The following THSD7B variants were observed in gnomAD, a reference collection of about 807,000 sequenced individuals.
THSD7B encodes the protein thrombospondin type 1 domain containing 7B.
A neutral mutation model predicts 213.6 loss-of-function variants in THSD7B; 138 were observed. The observed-to-expected ratio is 0.65, with a 90% confidence interval of 0.56 to 0.74. The LOEUF is 0.74. Ranked by LOEUF, THSD7B falls within the 30% of genes least tolerant of loss-of-function variation. The pLI is 0.00. For synonymous variants in THSD7B, 742 were observed against 687.0 expected, an observed-to-expected ratio of 1.08 and a Z score of -1.25; for missense variants, 1,931 against 1,991.5, an observed-to-expected ratio of 0.97 and a Z score of 0.58.
intron 1 of THSD7B, among the ~76,000 whole-genome samples, chr2:136,868,285 CA>C (rs1321711394): frequency 1.3e-5 from 2 of 152,110 alleles, no homozygotes; most frequent in Admixed American, 1.3e-4. Flanking sequence ...TGTTTTCTTT[CA>C]AATAACACTC....
chr2:137,269,853 G>T (rs1265643243), intron 10 of THSD7B, among the ~76,000 whole-genome samples: 2 of 152,102 alleles, frequency 1.3e-5, no homozygotes, highest in Non-Finnish European at 2.9e-5. Flanking sequence ...CCAATTACAG[G>T]ATTTACTCTT....
At chr2:137,603,643 G>A (rs1682116713) in intron 17 of THSD7B, among the ~76,000 whole-genome samples, 1 of 152,180 alleles carries the variant, frequency 6.6e-6, no homozygotes, top group South Asian at 2.1e-4. Context: ...GCAAGAAGGA[G>A]ATATCTGGAT....
intron 1 of THSD7B, among the ~76,000 whole-genome samples, chr2:136,829,088 T>TA (rs1229398426): frequency 1.3e-5 from 2 of 152,138 alleles, no homozygotes; most frequent in African/African-American, 4.8e-5. Context: ...TTCTCTTTCT[T>TA]ACTGTATTTT....
intron 4 of THSD7B, among the ~76,000 whole-genome samples, chr2:137,103,930 A>G (rs1688197453): frequency 6.6e-6 from 1 of 152,206 alleles, no homozygotes; most frequent in Non-Finnish European, 1.5e-5. Context: ...CCCACACAAT[A>G]ATAGTGGGAG....
chr2:136,874,223 G>C (rs1683489718), intron 1 of THSD7B, among the ~76,000 whole-genome samples: 1 of 152,164 alleles, frequency 6.6e-6, no homozygotes, highest in African/African-American at 2.4e-5. Flanking sequence ...CTATCTTTGG[G>C]ACTTCAGGTT....
chr2:137,007,713 G>T (rs762339392), intron 2 of THSD7B, among the ~76,000 whole-genome samples: 1 of 151,276 alleles, frequency 6.6e-6, no homozygotes, highest in Non-Finnish European at 1.5e-5. Flanking sequence ...AGAGATTAAG[G>T]CATACACAGA....
intron 5 of THSD7B, among the ~76,000 whole-genome samples, chr2:137,122,321 G>C (rs7595885): frequency 6.6e-6 from 1 of 152,096 alleles, no homozygotes; most frequent in African/African-American, 2.4e-5. Flanking sequence ...AGAGAAAATA[G>C]GAATTTTAGG....
chr2:137,180,149 CA>C (rs1464487243), intron 7 of THSD7B, among the ~76,000 whole-genome samples: 2 of 152,076 alleles, frequency 1.3e-5, no homozygotes, highest in Non-Finnish European at 2.9e-5. Flanking sequence ...CTTATTATAA[CA>C]GGATATGTAG....
chr2:137,600,094 T>C lies in THSD7B; in HGVS notation c.3424-16081T>C, dbSNP rs189606404. On this transcript the variant is annotated intron_variant, in intron 17 of 27. Coordinates refer to ENST00000409968, the MANE Select transcript of THSD7B (RefSeq NM_001316349.2). The stretch of plus-strand genomic sequence containing the variant: ...TCTGCTTCCCCTCCCCAGGGGCACC[T>C]GCACACATGCATGCACACACGCACA... 9.1e-4 allele frequency among the ~76,000 whole-genome samples: 138 copies of C among 152,232 alleles called. 1 individual carries two copies. Among genetic ancestry groups the C allele is most frequent in the Admixed American group, 8.1e-3 (124 of 15,284 alleles).
chr2:136,869,558 G>A (rs1233500059), intron 1 of THSD7B, among the ~76,000 whole-genome samples: 2 of 152,106 alleles, frequency 1.3e-5, no homozygotes, highest in African/African-American at 4.8e-5. Flanking sequence ...GATAACAGTC[G>A]TTGTTGAATA....
intron 20 of THSD7B, among the ~76,000 whole-genome samples, chr2:137,631,199 C>A (rs940754368): frequency 6.6e-6 from 1 of 152,140 alleles, no homozygotes; most frequent in Non-Finnish European, 1.5e-5. Flanking sequence ...TTCTAAGCTT[C>A]CACTAAGGGA....
intron 2 of THSD7B, among the ~76,000 whole-genome samples, chr2:137,001,591 T>G (rs1685999929): frequency 6.6e-6 from 1 of 152,166 alleles, no homozygotes; most frequent in Admixed American, 6.6e-5. Flanking sequence ...ACATTTATCC[T>G]GCTTTGAGAT....
chr2:137,314,149 A>G (rs1259951593), intron 12 of THSD7B, among the ~76,000 whole-genome samples: 1 of 152,178 alleles, frequency 6.6e-6, no homozygotes, highest in Non-Finnish European at 1.5e-5. Context: ...TACACCAATC[A>G]GATGTAGATT....
At chr2:137,136,515 T>C (rs1301040062) in intron 5 of THSD7B, among the ~76,000 whole-genome samples, 2 of 152,180 alleles carry the variant, frequency 1.3e-5, no homozygotes, top group African/African-American at 4.8e-5. Context: ...TTCTGATTGG[T>C]TGATGTAGGC....
chr2:137,400,707 G>T (rs1022844942), intron 12 of THSD7B, among the ~76,000 whole-genome samples: 4 of 152,196 alleles, frequency 2.6e-5, no homozygotes, highest in Non-Finnish European at 5.9e-5. Flanking sequence ...CAGACCAGTA[G>T]GTGGCTTTTG....
intron 4 of THSD7B, among the ~76,000 whole-genome samples, chr2:137,104,281 A>G (rs2104927976): frequency 6.6e-6 from 1 of 152,322 alleles, no homozygotes; most frequent in South Asian, 2.1e-4. Context: ...CAGAATGACT[A>G]CTGGGTAAAT....
At chr2:137,310,267 T>G (rs1469374248) in intron 12 of THSD7B, among the ~76,000 whole-genome samples, 3 of 151,862 alleles carry the variant, frequency 2.0e-5, no homozygotes, top group Non-Finnish European at 2.9e-5. Context: ...ATGGTGAGCA[T>G]TTTTTCATGT....
chr2:137,227,709 C>A (rs1681541229), intron 7 of THSD7B, among the ~76,000 whole-genome samples: 1 of 152,028 alleles, frequency 6.6e-6, no homozygotes, highest in South Asian at 2.1e-4. Flanking sequence ...CCAACCATGT[C>A]AATAAAAGGA....
rs768075516 is a variant in THSD7B, at chr2:137,659,675, C to T, written c.4387C>T (p.Pro1463Ser). ...AATTTCCTTTGCAGGAGGCTGCTCC[C>T]CTCAGGCCCGTCCTGCTGCCATTCG... ...DGVNVTGGCS[P>S]QARPAAIRQC... The change falls in exon 25 of 28, where the codon CCT becomes TCT. Residue 1463 changes from proline (P) to serine (S), a missense_variant. Coordinates refer to ENST00000409968, the MANE Select transcript of THSD7B (RefSeq NM_001316349.2). The T allele has an allele frequency of 6.2e-7, 1 of 1,601,040 alleles. No individual in the cohort carries two copies. The highest frequency in any genetic ancestry group is 1.7e-4 in the Middle Eastern group (1 of 6,040).
Sources: allele counts gnomAD v4.1 joint callset (sites outside exome capture counted in the v4.1 genomes callset), GRCh38; gene constraint gnomAD v4.1.1; transcripts MANE v1.5; gene names NCBI Gene and HGNC (gene_info 2026-07-23, HGNC 2026-07-21).